The following TM9SF3 variants were observed in gnomAD, a reference collection of about 807,000 sequenced individuals.
The protein encoded by TM9SF3 is SM-11044-binding protein.
Under a neutral mutation model 78.6 loss-of-function variants are expected in TM9SF3, and 14 were observed. That is an observed-to-expected ratio of 0.18 (90% confidence interval 0.12 to 0.28). The LOEUF (loss-of-function observed/expected upper bound fraction) is 0.28, where lower values mean the gene tolerates loss of function less well. Among genes scored for constraint, TM9SF3 ranks in the 10% least tolerant of loss-of-function variants. The pLI is 1.00. For missense variants in TM9SF3, 496 were observed against 721.9 expected (o/e 0.69, Z 3.59); for synonymous variants, 231 against 241.7 (o/e 0.96, Z 0.41).
chr10:96,566,550 T>C (rs1410576511), intron 2 of TM9SF3, among the ~76,000 whole-genome samples: 4 of 152,152 alleles, frequency 2.6e-5, no homozygotes, highest in Non-Finnish European at 5.9e-5. Context: ...CATGGAAGAA[T>C]GTCAGGGAAA....
chr10:96,543,777 T>C (rs1848064056), intron 9 of TM9SF3: 1 of 171,610 alleles, frequency 5.8e-6, no homozygotes, highest in Non-Finnish European at 1.2e-5. Context: ...CTCTAAAATA[T>C]ATTCACCAGT....
intron 10 of TM9SF3, among the ~76,000 whole-genome samples, chr10:96,532,573 CA>C (rs1172071824): frequency 2.0e-5 from 3 of 152,084 alleles, no homozygotes; most frequent in African/African-American, 7.2e-5. Context: ...CTAAATTGTA[CA>C]GTACTAAAAT....
chr10:96,548,011 A>C, intron 7 of TM9SF3, 22 bp from the exon 8 acceptor site: 2 of 1,525,662 alleles, frequency 1.3e-6, no homozygotes, highest in Non-Finnish European at 1.8e-6. Flanking sequence ...AAAAAGAAAA[A>C]AAAAATTAAA....
At chr10:96,559,127 A>T (rs1378957130) in intron 5 of TM9SF3, among the ~76,000 whole-genome samples, 1 of 152,158 alleles carries the variant, frequency 6.6e-6, no homozygotes, top group Non-Finnish European at 1.5e-5. Context: ...CACAAGCAGA[A>T]ATTCCTGATC....
chr10:96,560,634 C>T, intron 4 of TM9SF3: 2 of 642,212 alleles, frequency 3.1e-6, no homozygotes, highest in Admixed American at 1.8e-5. Flanking sequence ...TAGCAAGGTT[C>T]CACAGAAAAA....
intron 6 of TM9SF3, among the ~76,000 whole-genome samples, chr10:96,552,015 A>G (rs1809891785): frequency 2.0e-5 from 3 of 152,204 alleles, no homozygotes; most frequent in Non-Finnish European, 1.5e-5. Context: ...CTAAAACAAT[A>G]TTTCCTAAGG....
intron 2 of TM9SF3, among the ~76,000 whole-genome samples, chr10:96,567,692 C>T (rs1345454601): frequency 1.3e-5 from 2 of 152,192 alleles, no homozygotes; most frequent in African/African-American, 4.8e-5. Context: ...CTACCTCATA[C>T]CAGTATCTTG....
chr10:96,579,811 T>C (rs886330165), intron 1 of TM9SF3, among the ~76,000 whole-genome samples: 1 of 152,340 alleles, frequency 6.6e-6, no homozygotes, highest in Non-Finnish European at 1.5e-5. Context: ...AGACCTTGAT[T>C]GTCCCTGAGA....
chr10:96,572,729 C>T (rs547861999), intron 2 of TM9SF3, among the ~76,000 whole-genome samples: 17 of 151,860 alleles, frequency 1.1e-4, no homozygotes, highest in African/African-American at 4.1e-4. Context: ...GGGGTTTCAC[C>T]GTGGTCTCGA....
chr10:96,528,309 C>T (rs713251), intron 11 of TM9SF3, 132 bp from the exon 12 acceptor site: 136,762 of 768,396 alleles, frequency 0.18, 13,679 homozygotes, highest in Admixed American at 0.33. Context: ...CTTCCAACAG[C>T]TTCTCTTACC....
In TM9SF3 at chr10:96,576,738, A is replaced by T. The variant is rs1191229913; in HGVS notation, c.194T>A (p.Phe65Tyr). Residue 65 changes from phenylalanine (F) to tyrosine (Y), a missense_variant, in exon 2 of 15, where the codon TTC becomes TAC. This residue lies in a region of TM9SF3 where 155 missense variants were observed against 241.6 expected (regional missense o/e 0.64). Transcript: ENST00000371142. ...QETYKYFSLP[F>Y]CVGSKKSISH... ...GATACTTTTTTTTGACCCCACACAG[A>T]ATGGAAGTGAAAAGTACTTATATGT... 6.2e-7 allele frequency: 1 copy of T among 1,611,454 alleles called. No individual in the cohort carries two copies. Among genetic ancestry groups the T allele is most frequent in the African/African-American group, 1.3e-5 (1 of 74,788 alleles).
In TM9SF3 at chr10:96,521,223, A is replaced by G. The variant is rs1847765086; in HGVS notation, c.*1040T>C. 2 of 246,032 alleles carry G rather than the reference A, an allele frequency of 8.1e-6. No homozygotes were observed. The highest frequency in any genetic ancestry group is 1.2e-3 in the Middle Eastern group (1 of 840). 15.2% of individuals were successfully genotyped at this position (246,032 alleles called of 1,614,324 possible). On this transcript the variant is annotated 3_prime_UTR_variant, in exon 15 of 15. Coordinates refer to ENST00000371142, the MANE Select transcript of TM9SF3 (RefSeq NM_020123.4). ...AGGCAAGATGTAAAAGCCCACCCAA[A>G]TCACACATTTCTACACCAATCATCA...
rs780637447 is a variant in TM9SF3, at chr10:96,522,282, G to C, written c.1751C>G (p.Thr584Ser). The C allele has an allele frequency of 3.8e-6, 6 of 1,588,414 alleles. No individual in the cohort carries two copies. The highest frequency in any genetic ancestry group is 5.1e-6 in the Non-Finnish European group (6 of 1,171,378). ...GGGTCTCTAGTCAATTTTCACATTAGTATAGATTTTTCGGACAAAGGCACT... is the reference window on the plus strand; with the variant it reads ...GGGTCTCTAGTCAATTTTCACATTACTATAGATTTTTCGGACAAAGGCACT... ...GTSAFVRKIY[T>S]NVKID The change falls in exon 15 of 15, where the codon ACT becomes AGT. Residue 584 changes from threonine to serine, a missense_variant. Physicochemically the swap from Thr to Ser is moderately conservative, Grantham distance 58. Transcript: ENST00000371142.
At chr10:96,527,035 T>A (rs1352417485) in intron 14 of TM9SF3, among the ~76,000 whole-genome samples, 178 bp downstream of exon 14, 1 of 152,102 alleles carries the variant, frequency 6.6e-6, no homozygotes, top group African/African-American at 2.4e-5. Context: ...AAATAGAAAT[T>A]AATAAGGTAA....
At chr10:96,566,904 A>G (rs1848379427) in intron 2 of TM9SF3, among the ~76,000 whole-genome samples, 1 of 152,192 alleles carries the variant, frequency 6.6e-6, no homozygotes, top group Non-Finnish European at 1.5e-5. Context: ...AGGAAGGTCC[A>G]GGCTTAAGGG....
At position 96,528,022 on chromosome 10, in the gene TM9SF3, G is replaced by A. The variant is rs962831522; in HGVS notation, c.1541+9C>T. ...TTCCCCAAATTTCTATCCACAAATAGGTACTTACCACCGGTAATCTTCTGC... is the reference window on the plus strand; with the variant it reads ...TTCCCCAAATTTCTATCCACAAATAAGTACTTACCACCGGTAATCTTCTGC... On this transcript the variant is annotated intron_variant, in intron 12 of 14. Transcript: ENST00000371142. 2 of 1,603,454 alleles carry A rather than the reference G, an allele frequency of 1.2e-6. No homozygotes were observed. The highest frequency in any genetic ancestry group is 1.1e-5 in the South Asian group (1 of 88,684).
intron 10 of TM9SF3, among the ~76,000 whole-genome samples, chr10:96,531,190 C>T (rs1164223702): frequency 3.3e-5 from 5 of 152,058 alleles, no homozygotes; most frequent in African/African-American, 1.2e-4. Flanking sequence ...TTGGTAATTC[C>T]CCACCTGGAT....
intron 1 of TM9SF3, among the ~76,000 whole-genome samples, chr10:96,583,241 T>C (rs1038931442): frequency 2.6e-5 from 4 of 152,182 alleles, no homozygotes; most frequent in African/African-American, 7.2e-5. Flanking sequence ...GGACAAGCTA[T>C]ATAATTTGTG....
intron 1 of TM9SF3, among the ~76,000 whole-genome samples, chr10:96,581,896 C>G (rs1020804583): frequency 1.3e-5 from 2 of 152,160 alleles, no homozygotes; most frequent in African/African-American, 4.8e-5. Context: ...GTACACTGGG[C>G]CACAGAGAAA....
Sources: gnomAD v4.1 joint callset for allele counts (sites outside exome capture counted in the v4.1 genomes callset) on GRCh38, gnomAD v4.1.1 for gene constraint, gnomAD v4.1.1 regional missense constraint, MANE v1.5 for transcripts, NCBI Gene and HGNC (gene_info 2026-07-23, HGNC 2026-07-21) for gene names.